RAD51B: variants seen among roughly 807,000 people sequenced by gnomAD.
The protein encoded by RAD51B is DNA repair protein RAD51 homolog 2.
Under a neutral mutation model 42.2 loss-of-function variants are expected in RAD51B, and 38 were observed. The observed-to-expected ratio is 0.90, with a 90% CI of 0.70 to 1.18. RAD51B has a LOEUF of 1.18. RAD51B is among the 50% of genes most tolerant of loss of function. The pLI, the probability that RAD51B is intolerant of heterozygous loss-of-function variation, is 0.00. For missense variants in RAD51B, 373 were observed against 400.7 expected (o/e 0.93, Z 0.59); for synonymous variants, 154 against 145.2 (o/e 1.06, Z -0.43).
intron 7 of RAD51B, among the ~76,000 whole-genome samples, chr14:67,977,318 A>G (rs562095019): frequency 1.3e-5 from 2 of 152,242 alleles, no homozygotes; most frequent in South Asian, 4.1e-4. Flanking sequence ...TTTAACTGCT[A>G]GAGACATTCA....
At chr14:68,658,392 T>C (rs1204474555) in intron 11 of RAD51B, among the ~76,000 whole-genome samples, 1 of 152,212 alleles carries the variant, frequency 6.6e-6, no homozygotes, top group Non-Finnish European at 1.5e-5. Context: ...ATTCAGATGA[T>C]GAGGGCCACT....
intron 7 of RAD51B, among the ~76,000 whole-genome samples, chr14:67,990,068 G>A (rs1209352554): frequency 6.8e-6 from 1 of 148,062 alleles, no homozygotes; most frequent in African/African-American, 2.5e-5. Context: ...CGCAATCTCG[G>A]CTCACTGCAA....
chr14:68,449,722 C>T (rs2085508554), intron 9 of RAD51B, among the ~76,000 whole-genome samples: 1 of 152,112 alleles, frequency 6.6e-6, no homozygotes, highest in African/African-American at 2.4e-5. Flanking sequence ...TTTCCATTCT[C>T]TTTTTTCTTG....
At chr14:67,865,225 C>A in intron 5 of RAD51B, 86 bp downstream of exon 5, 2 of 1,229,434 alleles carry the variant, frequency 1.6e-6, no homozygotes, top group Non-Finnish European at 2.1e-6. Flanking sequence ...TAACATTTAC[C>A]ACCCCTCCCC....
intron 7 of RAD51B, among the ~76,000 whole-genome samples, chr14:68,156,458 T>TCTCTCTCTCTCTCTCTCTCG (rs1356222745): frequency 3.2e-4 from 37 of 116,942 alleles, no homozygotes; most frequent in Middle Eastern, 4.5e-3. Flanking sequence ...AGAAAATTTC[T>TCTCTCTCTCTCTCTCTCTCG]CTCTCTCTCT....
At chr14:68,040,627 T>C (rs1326528690) in intron 7 of RAD51B, among the ~76,000 whole-genome samples, 1 of 152,228 alleles carries the variant, frequency 6.6e-6, no homozygotes, top group Non-Finnish European at 1.5e-5. Flanking sequence ...CTCACATCAA[T>C]GTGATAAGCG....
intron 7 of RAD51B, among the ~76,000 whole-genome samples, chr14:68,099,428 C>A (rs1304739841): frequency 1.3e-5 from 2 of 152,168 alleles, no homozygotes; most frequent in African/African-American, 2.4e-5. Flanking sequence ...TGAGTAAAAC[C>A]TTCTTAAATT....
At chr14:68,586,495 G>A (rs1446524851) in intron 10 of RAD51B, among the ~76,000 whole-genome samples, 1 of 152,242 alleles carries the variant, frequency 6.6e-6, no homozygotes, top group Non-Finnish European at 1.5e-5. Flanking sequence ...TTCTAAGGGT[G>A]ATGTCAGGGG....
Position 68,422,085 on chromosome 14 carries a change from C to G in RAD51B, c.957+10558C>G. On this transcript the variant is annotated intron_variant, in intron 9 of 10. Coordinates refer to ENST00000471583, the MANE Select transcript of RAD51B (RefSeq NM_133510.4). The stretch of plus-strand genomic sequence containing the variant: ...AATCCTTTCTCTCCAGTGCTCGGAG[C>G]ACGAAAATTTTCTGCTGTCTTTGGG... 5 of 1,513,052 alleles carry G rather than the reference C, an allele frequency of 3.3e-6. No homozygotes were observed. In the South Asian group the frequency reaches 3.4e-5, roughly 10 times the overall value. The allele number at this position is 1,513,052 out of a possible 1,614,324, so 93.7% of individuals were successfully genotyped here.
At chr14:68,433,102 T>G (rs2085054868) in intron 9 of RAD51B, among the ~76,000 whole-genome samples, 2 of 152,258 alleles carry the variant, frequency 1.3e-5, no homozygotes, top group Admixed American at 1.3e-4. Context: ...TTGTAGAGTT[T>G]CTGCTGAGAG....
intron 4 of RAD51B, among the ~76,000 whole-genome samples, chr14:67,863,561 T>C (rs1489860553): frequency 1.3e-5 from 2 of 152,160 alleles, no homozygotes; most frequent in African/African-American, 2.4e-5. Context: ...AGACAGTTTC[T>C]TTATTGTATG....
At chr14:68,422,172 C>A (rs765169902) in intron 9 of RAD51B, 1 of 1,245,698 alleles carries the variant, frequency 8.0e-7, no homozygotes, top group East Asian at 2.3e-5. Context: ...ACGGCAAATT[C>A]AAAGAACATG....
At chr14:68,659,263 C>G (rs1892885603) in intron 11 of RAD51B, among the ~76,000 whole-genome samples, 1 of 152,206 alleles carries the variant, frequency 6.6e-6, no homozygotes, top group South Asian at 2.1e-4. Flanking sequence ...TCTGGTCTGT[C>G]TTCATTCAGA....
chr14:68,275,322 A>C (rs1372938799), intron 7 of RAD51B, among the ~76,000 whole-genome samples: 1 of 152,188 alleles, frequency 6.6e-6, no homozygotes, highest in Non-Finnish European at 1.5e-5. Flanking sequence ...AGTTGTATTG[A>C]TTAAAATTTT....
chr14:68,239,501 C>T (rs2080338090), intron 7 of RAD51B, among the ~76,000 whole-genome samples: 1 of 151,890 alleles, frequency 6.6e-6, no homozygotes, highest in South Asian at 2.1e-4. Context: ...CTGTCCTTCT[C>T]CACAGTCTTT....
chr14:68,362,788 G>A (rs2083056867), intron 8 of RAD51B, among the ~76,000 whole-genome samples: 2 of 152,054 alleles, frequency 1.3e-5, no homozygotes, highest in Admixed American at 6.5e-5. Context: ...GGCAGAGGTT[G>A]CAGTGAGCTG....
chr14:68,461,708 G>A (rs2085850544), intron 9 of RAD51B, among the ~76,000 whole-genome samples: 2 of 152,112 alleles, frequency 1.3e-5, no homozygotes, highest in Admixed American at 6.5e-5. Context: ...ACACCTGAGA[G>A]GGCTAATGCG....
In RAD51B at chr14:67,865,146, G is replaced by T. The variant is rs71421392; in HGVS notation, c.452+7G>T. The T allele has an allele frequency of 5.0e-6, 8 of 1,584,610 alleles. No homozygotes were observed. The highest frequency in any genetic ancestry group is 6.0e-6 in the Non-Finnish European group (7 of 1,167,932). On this transcript the variant is annotated splice_region_variant and intron_variant, in intron 5 of 10. Coordinates refer to ENST00000471583, the MANE Select transcript of RAD51B (RefSeq NM_133510.4). ...CTGCATTTAGTGCTGAAAGGTATGA[G>T]ATTTTATTTTCTATTATAATGTTTT...
At chr14:67,899,163 C>T (rs942223259) in intron 7 of RAD51B, among the ~76,000 whole-genome samples, 5 of 152,178 alleles carry the variant, frequency 3.3e-5, no homozygotes, top group African/African-American at 1.2e-4. Flanking sequence ...CTGCCTCAGC[C>T]TCCCGAGTAG....
Sources: allele counts gnomAD v4.1 joint callset (sites outside exome capture counted in the v4.1 genomes callset), GRCh38; gene constraint gnomAD v4.1.1; transcripts MANE v1.5; gene names NCBI Gene and HGNC (gene_info 2026-07-23, HGNC 2026-07-21).